Variants in MBTPS1 observed in about 807,000 individuals in gnomAD.
MBTPS1 encodes membrane-bound transcription factor site-1 protease.
Under a neutral mutation model 127.8 loss-of-function variants are expected in MBTPS1, and 94 were observed. The ratio of observed to expected loss-of-function variants is 0.74; its 90% confidence interval spans 0.62 to 0.87. The LOEUF is 0.87. MBTPS1 is among the 40% of genes least tolerant of loss of function. The pLI, the probability that MBTPS1 is intolerant of heterozygous loss-of-function variation, is 0.00. For missense variants in MBTPS1, 1,636 were observed against 1,353.2 expected (o/e 1.21, Z -3.28); for synonymous variants, 632 against 509.4 (o/e 1.24, Z -3.24).
chr16:84,055,089 G>A (rs752350933), intron 22 of MBTPS1, among the ~76,000 whole-genome samples: 3 of 152,214 alleles, frequency 2.0e-5, no homozygotes, highest in Non-Finnish European at 4.4e-5. Context: ...AGCACCGCTG[G>A]CAGTGCCCCG....
chr16:84,109,347 CAG>C (rs2086367943), intron 1 of MBTPS1: 1 of 152,152 alleles, frequency 6.6e-6, no homozygotes, highest in Non-Finnish European at 1.5e-5. Flanking sequence ...AACAGGAAAA[CAG>C]GAGTCCACAA....
At chr16:84,065,844 A>C in intron 17 of MBTPS1, 77 bp from the exon 18 acceptor site, 2 of 800,748 alleles carry the variant, frequency 2.5e-6, no homozygotes, top group Non-Finnish European at 3.9e-6. Flanking sequence ...TCGTTTACCC[A>C]AAATACATTC....
intron 21 of MBTPS1, chr16:84,056,611 C>A (rs528922220): frequency 6.5e-6 from 1 of 152,674 alleles, no homozygotes; most frequent in South Asian, 2.1e-4. Context: ...GGGAACCAGA[C>A]AGCATCTTTG....
At position 84,056,370 on chromosome 16, in the gene MBTPS1, T is replaced by G. The variant is rs74881505; in HGVS notation, c.2832-235A>C. 1,650 of 439,522 alleles carry G rather than the reference T, an allele frequency of 3.8e-3. 29 individuals are homozygous for G. Among genetic ancestry groups the G allele is most frequent in the African/African-American group, 0.03 (1,514 of 50,592 alleles). 27.2% of individuals were successfully genotyped at this position (439,522 alleles called of 1,614,324 possible). A position where few individuals can be genotyped will look rare whatever the true frequency, so the allele number is the denominator to read the frequency against. ...CCTGTTCATGAGATTCTACTGAGTT[T>G]ACAATATGACCAGCAGGAGCCTGTT... On this transcript the variant is annotated intron_variant, in intron 21 of 22. Coordinates refer to ENST00000343411, the MANE Select transcript of MBTPS1 (RefSeq NM_003791.4).
In MBTPS1 at chr16:84,065,708, G is replaced by A; in HGVS notation, c.2413C>T (p.Gln805Ter). ...KFPEDGVVIT[Q>*]TFKDQGLEVL... Reference sequence around the variant, plus strand: ...CCTTTACCTTGGTCCTTGAAAGTCTGTGTTATCACGACGCCATCTTCTGGA... The same window carrying A: ...CCTTTACCTTGGTCCTTGAAAGTCTATGTTATCACGACGCCATCTTCTGGA... The change falls in exon 18 of 23, where the codon CAG becomes TAG. Residue 805 changes from glutamine (Q) to a stop codon, truncating the protein, a stop_gained. Coordinates refer to ENST00000343411, the MANE Select transcript of MBTPS1 (RefSeq NM_003791.4). LOFTEE classifies it high-confidence loss of function. 1 of 1,612,670 alleles carries A rather than the reference G, an allele frequency of 6.2e-7. No individual in the cohort carries two copies. Among genetic ancestry groups the A allele is most frequent in the Non-Finnish European group, 8.5e-7 (1 of 1,179,320 alleles).
chr16:84,068,755 T>TC (rs2085727570), intron 14 of MBTPS1, among the ~76,000 whole-genome samples: 1 of 152,236 alleles, frequency 6.6e-6, no homozygotes, highest in African/African-American at 2.4e-5. Context: ...GCAGTCGCGT[T>TC]CAAGTAAATT....
At position 84,099,058 on chromosome 16, in the gene MBTPS1, G is replaced by A; in HGVS notation, c.416C>T (p.Ala139Val). 6.2e-7 allele frequency: 1 copy of A among 1,613,918 alleles called. No individual in the cohort carries two copies. Among genetic ancestry groups the A allele is most frequent in the Non-Finnish European group, 8.5e-7 (1 of 1,179,930 alleles). ...QRKVFRSLKYAESDPTVPCNE... is the reference protein window; with the variant it reads ...QRKVFRSLKYVESDPTVPCNE... The stretch of plus-strand genomic sequence containing the variant: ...CCTACAGTCACAATACTCACATTCA[G>A]CATACTTGAGGGAACGAAAGACTTT... The change falls in exon 3 of 23, where the codon GCT becomes GTT. Residue 139 changes from alanine to valine, a missense_variant. Ala to Val is a moderately conservative substitution (Grantham distance 64). Transcript: ENST00000343411.
At chr16:84,111,745 C>G (rs979538300) in intron 1 of MBTPS1, among the ~76,000 whole-genome samples, 1 of 152,142 alleles carries the variant, frequency 6.6e-6, no homozygotes, top group Non-Finnish European at 1.5e-5. Flanking sequence ...ATATCCAGAA[C>G]TGTGAGACAG....
intron 4 of MBTPS1, among the ~76,000 whole-genome samples, chr16:84,094,584 G>C (rs2086153684): frequency 6.6e-6 from 1 of 152,096 alleles, no homozygotes; most frequent in South Asian, 2.1e-4. Flanking sequence ...ATGTCTTTCT[G>C]GCAAAAGGGC....
rs148890460 is a variant in MBTPS1, at chr16:84,099,286, T to A, written c.188A>T (p.Tyr63Phe). The change falls in exon 3 of 23, where the codon TAC (tyrosine) becomes TTC (phenylalanine). Residue 63 changes from tyrosine to phenylalanine, a missense_variant. Coordinates refer to ENST00000343411, the MANE Select transcript of MBTPS1 (RefSeq NM_003791.4). ...TGAATTTCTAGCTTTGGCTGTAAAGTATCCATTGAAAGCCACAATATATTC... is the reference window on the plus strand; with the variant it reads ...TGAATTTCTAGCTTTGGCTGTAAAGAATCCATTGAAAGCCACAATATATTC... Reference protein sequence around the residue: ...EYEYIVAFNGYFTAKARNSFI... With the variant: ...EYEYIVAFNGFFTAKARNSFI... 6.2e-6 allele frequency: 10 copies of A among 1,613,922 alleles called. No homozygotes were observed. The Admixed American group carries it at 1.5e-4, about 24-fold the overall frequency.
At chr16:84,084,089 A>G (rs908019407) in intron 10 of MBTPS1, among the ~76,000 whole-genome samples, 3 of 152,118 alleles carry the variant, frequency 2.0e-5, no homozygotes, top group African/African-American at 7.2e-5. Context: ...TCTCCTGAGT[A>G]GCTGGGATTA....
At chr16:84,070,460 T>G in intron 13 of MBTPS1, 128 bp downstream of exon 13, 1 of 900,956 alleles carries the variant, frequency 1.1e-6, no homozygotes, top group South Asian at 1.6e-5. Flanking sequence ...CCATCAATTG[T>G]GGCCATCGAG....
rs1597340743 is a variant in MBTPS1 at position 84,094,447 on chromosome 16, C to T, written c.626-626G>A. On this transcript the variant is annotated intron_variant, in intron 4 of 22. Transcript: ENST00000343411. ...TATAATAGTAAGTCTATTCCAGATA[C>T]TGGCCAAAGCCATCAACACCAATGT... is the stretch of plus-strand genomic sequence containing the variant. Among the ~76,000 whole-genome samples, 5 of 152,182 alleles carry T rather than the reference C, an allele frequency of 3.3e-5. No homozygotes were observed. In the South Asian group the frequency reaches 1.0e-3, roughly 31 times the overall value.
Position 84,070,754 on chromosome 16 carries a change from G to A in MBTPS1, c.1616C>T (p.Pro539Leu). The A allele has an allele frequency of 6.2e-7, 1 of 1,610,742 alleles. No individual in the cohort carries two copies. The highest frequency in any genetic ancestry group is 1.7e-5 in the Admixed American group (1 of 59,266). Residue 539 changes from proline (P) to leucine (L), a missense_variant, in exon 13 of 23, where the codon CCA becomes CTA. Coordinates refer to ENST00000343411, the MANE Select transcript of MBTPS1 (RefSeq NM_003791.4). The stretch of plus-strand genomic sequence containing the variant: ...AACTTCAATGTTGTCTCCGTTCTGT[G>A]GCAAATAGGGCTGCCAGTCAGGCTG... ...VDKPDWQPYL[P>L]QNGDNIEVAF...
Position 84,106,383 on chromosome 16 carries a change from T to A in MBTPS1, c.-324-4276A>T, listed in dbSNP as rs115119574. On this transcript the variant is annotated intron_variant, in intron 1 of 22. Transcript: ENST00000343411. ...GAGGGCTGGGTTTCTGCTACAGCACTACCTACAGCAGCTGCTGAGAAGGGG... is the reference window on the plus strand; with the variant it reads ...GAGGGCTGGGTTTCTGCTACAGCACAACCTACAGCAGCTGCTGAGAAGGGG... Among the ~76,000 whole-genome samples, 598 of 152,224 alleles carry A rather than the reference T, an allele frequency of 3.9e-3. 6 individuals are homozygous for A. The highest frequency in any genetic ancestry group is 0.014 in the African/African-American group (573 of 41,538).
At chr16:84,074,804 C>A in intron 11 of MBTPS1, 63 bp from the exon 12 acceptor site, 1 of 1,445,192 alleles carries the variant, frequency 6.9e-7, no homozygotes, top group Non-Finnish European at 9.5e-7. Flanking sequence ...AGCAACACAA[C>A]TGTACAAGAC....
In MBTPS1 at chr16:84,085,018, A is replaced by T. The variant is rs1343591950; in HGVS notation, c.1251T>A (p.Ser417=). 6.2e-7 allele frequency: 1 copy of T among 1,614,082 alleles called. No homozygotes were observed. The highest frequency in any genetic ancestry group is 2.2e-5 in the East Asian group (1 of 44,892). ...CRALSGTSVA[S]PVVAGAVTLL... ...AGGTGACAGCACCTGCAACCACTGGAGAAGCAACACTGGTCCCTGAGAGGG... is the reference window on the plus strand; with the variant it reads ...AGGTGACAGCACCTGCAACCACTGGTGAAGCAACACTGGTCCCTGAGAGGG... Residue 417 remains serine, a synonymous_variant, in exon 10 of 23, where the codon TCT becomes TCA. Transcript: ENST00000343411.
intron 11 of MBTPS1, 141 bp from the exon 12 acceptor site, chr16:84,074,882 G>C (rs2085830102): frequency 1.4e-6 from 1 of 695,636 alleles, no homozygotes; most frequent in Non-Finnish European, 2.3e-6. Context: ...TGGCATCTGG[G>C]AACTTGGCTC....
At chr16:84,111,269 G>GTGGC (rs2086392847) in intron 1 of MBTPS1, among the ~76,000 whole-genome samples, 1 of 152,264 alleles carries the variant, frequency 6.6e-6, no homozygotes, top group Admixed American at 6.5e-5. Context: ...GCTGGGCACA[G>GTGGC]TGGCTCACGC....
Sources: gnomAD v4.1 joint callset for allele counts (sites outside exome capture counted in the v4.1 genomes callset) on GRCh38, gnomAD v4.1.1 for gene constraint, MANE v1.5 for transcripts, NCBI Gene and HGNC (gene_info 2026-07-23, HGNC 2026-07-21) for gene names.